The following CREBBP variants were observed in gnomAD, a reference collection of about 807,000 sequenced individuals.
CREBBP encodes CREB binding lysine acetyltransferase.
CREBBP carries 19 observed loss-of-function variants against 265.0 expected under a neutral mutation model. The observed-to-expected ratio is 0.07, with a 90% confidence interval of 0.05 to 0.11. The LOEUF (loss-of-function observed/expected upper bound fraction) is 0.11, where lower values mean the gene tolerates loss of function less well. Ranked by LOEUF, CREBBP falls within the 10% of genes least tolerant of loss-of-function variation. The pLI is 1.00. For synonymous variants in CREBBP, 1,457 were observed against 1,223.7 expected (o/e 1.19, Z -3.98); for missense variants, 2,525 against 3,219.0 (o/e 0.78, Z 5.22).
In CREBBP at chr16:3,815,522, C is replaced by A. The variant is rs372035645; in HGVS notation, c.799-4743G>T. Among the ~76,000 whole-genome samples, 2 of 134,610 alleles carry A rather than the reference C, an allele frequency of 1.5e-5. 1 individual carries two copies. The allele number at this position is 134,610 out of a possible 152,430, so 88.3% of individuals were successfully genotyped here. On this transcript the variant is annotated intron_variant, in intron 2 of 30. Coordinates refer to ENST00000262367, the MANE Select transcript of CREBBP (RefSeq NM_004380.3). ...TCCAGCCTGGATGACAGAGGGGAGACTCCATCTCAAAAAAAAAAAAAAAAA... is the reference window on the plus strand; with the variant it reads ...TCCAGCCTGGATGACAGAGGGGAGAATCCATCTCAAAAAAAAAAAAAAAAA...
Position 3,769,419 on chromosome 16 carries a change from G to T in CREBBP, c.2881-66C>A, listed in dbSNP as rs1191926277. 50 of 1,574,808 alleles carry T rather than the reference G, an allele frequency of 3.2e-5. No individual in the cohort carries two copies. In the Admixed American group the frequency reaches 8.2e-4, roughly 26 times the overall value. On this transcript the variant is annotated intron_variant, in intron 14 of 30. Coordinates refer to ENST00000262367, the MANE Select transcript of CREBBP (RefSeq NM_004380.3). ...AACATAAATGATCTTCAACTATGCT[G>T]CTCATGCAACCTACAATTTCCCATT...
chr16:3,796,387 CTTT>C (rs796743710), intron 3 of CREBBP, among the ~76,000 whole-genome samples: 26 of 139,270 alleles, frequency 1.9e-4, no homozygotes, highest in African/African-American at 5.6e-4. Flanking sequence ...CTGGCTTGTA[CTTT>C]TTTTTTTTTT....
chr16:3,789,139 G>C (rs1490578823), intron 5 of CREBBP, among the ~76,000 whole-genome samples: 4 of 152,190 alleles, frequency 2.6e-5, no homozygotes, highest in Admixed American at 2.6e-4. Context: ...CATCAGGTAA[G>C]ACCAGCGCTG....
chr16:3,782,092 T>TTA (rs2053285233), intron 6 of CREBBP, among the ~76,000 whole-genome samples: 1 of 152,202 alleles, frequency 6.6e-6, no homozygotes, highest in Non-Finnish European at 1.5e-5. Flanking sequence ...CTGTGTCCAC[T>TTA]TAAAGAAAAA....
chr16:3,784,876 C>T (rs888378725), intron 5 of CREBBP, among the ~76,000 whole-genome samples: 2 of 152,162 alleles, frequency 1.3e-5, no homozygotes, highest in African/African-American at 4.8e-5. Context: ...GCTGCTGACA[C>T]GGTCACTGCA....
rs2055493587 is a variant in CREBBP at position 3,879,970 on chromosome 16, C to A, written c.-54G>T. The A allele has an allele frequency of 1.9e-6, 3 of 1,546,914 alleles. No homozygotes were observed. The highest frequency in any genetic ancestry group is 1.4e-5 in the African/African-American group (1 of 72,624). ...GCACGGGCGGCCGGGCCGGCGAGGG[C>A]CCGGACGGGGGTCGGGGGCCCTGCC... On this transcript the variant is annotated 5_prime_UTR_variant, in exon 1 of 31. Coordinates refer to ENST00000262367, the MANE Select transcript of CREBBP (RefSeq NM_004380.3).
In CREBBP at chr16:3,727,615, G is replaced by A. The variant is rs912011429; in HGVS notation, c.*103C>T. Reference sequence around the variant, plus strand: ...ACATCAATCCACCCTTCCATGGCTCGGAAGTCGCAGTTCCATCTAGGAATA... The same window carrying A: ...ACATCAATCCACCCTTCCATGGCTCAGAAGTCGCAGTTCCATCTAGGAATA... On this transcript the variant is annotated 3_prime_UTR_variant, in exon 31 of 31. Transcript: ENST00000262367. 9 of 1,595,808 alleles carry A rather than the reference G, an allele frequency of 5.6e-6. No homozygotes were observed. Among genetic ancestry groups the A allele is most frequent in the Non-Finnish European group, 6.8e-6 (8 of 1,168,972 alleles).
chr16:3,847,319 G>A (rs534640770), intron 2 of CREBBP, among the ~76,000 whole-genome samples: 13 of 152,028 alleles, frequency 8.6e-5, no homozygotes, highest in East Asian at 3.9e-4. Context: ...CTGTGTAATC[G>A]TTCTTAAAAC....
chr16:3,818,303 C>CTTT (rs71133660), intron 2 of CREBBP, among the ~76,000 whole-genome samples: 149 of 106,406 alleles, frequency 1.4e-3, no homozygotes, highest in Non-Finnish European at 2.0e-3. Flanking sequence ...GTTTTCTTTT[C>CTTT]TTTTTTTTTT....
intron 1 of CREBBP, among the ~76,000 whole-genome samples, chr16:3,867,548 TA>T (rs2055201018): frequency 6.6e-6 from 1 of 152,122 alleles, no homozygotes; most frequent in Non-Finnish European, 1.5e-5. Flanking sequence ...GAGAAAACAT[TA>T]AAATTGTTTT....
chr16:3,778,678 A>G (rs760117717), intron 9 of CREBBP, 22 bp downstream of exon 9: 1 of 1,557,886 alleles, frequency 6.4e-7, no homozygotes, highest in Non-Finnish European at 8.9e-7. Flanking sequence ...TAGAGGCCAG[A>G]GCACGGTAAA....
Position 3,778,208 on chromosome 16 carries a change from A to T in CREBBP, c.1942-26T>A, listed in dbSNP as rs185061815. The T allele has an allele frequency of 1.6e-4, 255 of 1,548,830 alleles. 1 individual carries two copies. In the African/African-American group the frequency reaches 3.1e-3, roughly 19 times the overall value. Reference sequence around the variant, plus strand: ...CTAAAAAGCAATAATATTCAATATGAAACAGTTAAAACTGTAAAAAGCAAC... The same window carrying T: ...CTAAAAAGCAATAATATTCAATATGTAACAGTTAAAACTGTAAAAAGCAAC... On this transcript the variant is annotated intron_variant, in intron 9 of 30. Transcript: ENST00000262367.
intron 1 of CREBBP, among the ~76,000 whole-genome samples, chr16:3,864,372 T>C (rs1436931782): frequency 6.6e-6 from 1 of 152,116 alleles, no homozygotes; most frequent in Non-Finnish European, 1.5e-5. Context: ...GTACCAGGTA[T>C]GTTGGCTCAC....
rs577594394 is a variant in CREBBP, at chr16:3,757,424, T to A, written c.3610-48A>T. ...CTTTTATATAAAAATACATTCCATT[T>A]ACTGTCTTATAATGTTCTAGTCTAC... On this transcript the variant is annotated intron_variant, in intron 18 of 30. Coordinates refer to ENST00000262367, the MANE Select transcript of CREBBP (RefSeq NM_004380.3). 1.8e-5 allele frequency: 25 copies of A among 1,409,594 alleles called. No homozygotes were observed. In the Admixed American group the frequency reaches 4.5e-4, roughly 26 times the overall value. 87.3% of individuals were successfully genotyped at this position (1,409,594 alleles called of 1,614,324 possible). A position where few individuals can be genotyped will look rare whatever the true frequency, so the allele number is the denominator to read the frequency against.
intron 1 of CREBBP, among the ~76,000 whole-genome samples, chr16:3,861,475 G>C (rs2141545790): frequency 6.6e-6 from 1 of 152,186 alleles, no homozygotes; most frequent in South Asian, 2.1e-4. Flanking sequence ...TTAAGAACCT[G>C]GCACTCCAGG....
chr16:3,775,351 G>A (rs1301268930), intron 11 of CREBBP, among the ~76,000 whole-genome samples: 2 of 152,242 alleles, frequency 1.3e-5, no homozygotes, highest in African/African-American at 4.8e-5. Context: ...TTCACAGCCA[G>A]TAAGTGTCTC....
rs2141219455 is a variant in CREBBP at position 3,774,566 on chromosome 16, T to C, written c.2283+3A>G. On this transcript the variant is annotated splice_donor_region_variant and intron_variant, in intron 12 of 30. Transcript: ENST00000262367. ...CTGCAGCACAGCGAAAGAGAACACT[T>C]ACCCCTGGCACTGAGCCCATGCTGT... The C allele has an allele frequency of 1.2e-6, 2 of 1,614,096 alleles. No homozygotes were observed. Among genetic ancestry groups the C allele is most frequent in the African/African-American group, 1.3e-5 (1 of 75,034 alleles).
At chr16:3,849,440 T>TGTGTGTGTGTGTGTGTGTGTG (rs2054762406) in intron 2 of CREBBP, among the ~76,000 whole-genome samples, 3 of 14,868 alleles carry the variant, frequency 2.0e-4, no homozygotes, top group Non-Finnish European at 7.1e-4. Flanking sequence ...TGTGTGTGTG[T>TGTGTGTGTGTGTGTGTGTGTG]GTGTGTGTGT....
In CREBBP at chr16:3,738,631, C is replaced by T. The variant is rs756756076; in HGVS notation, c.4322G>A (p.Arg1441Gln). 5.0e-6 allele frequency: 8 copies of T among 1,613,832 alleles called. No homozygotes were observed. The Admixed American group carries it at 5.0e-5, about 10-fold the overall frequency. Reference sequence around the variant, plus strand: ...AACGGCTGTGCGGAGGCAACGTGGCCGGAAGAAATGAATACTATCCAGATA... The same window carrying T: ...AACGGCTGTGCGGAGGCAACGTGGCTGGAAGAAATGAATACTATCCAGATA... ...ISYLDSIHFF[R>Q]PRCLRTAVYH... Residue 1441 changes from arginine to glutamine, a missense_variant, in exon 26 of 31, where the codon CGG (arginine) becomes CAG (glutamine). Arg to Gln is a conservative substitution (Grantham distance 43). Transcript: ENST00000262367.
Sources: allele counts gnomAD v4.1 joint callset (sites outside exome capture counted in the v4.1 genomes callset), GRCh38; gene constraint gnomAD v4.1.1; transcripts MANE v1.5; gene names NCBI Gene and HGNC (gene_info 2026-07-23, HGNC 2026-07-21).